IFITM10: variants seen among roughly 807,000 people sequenced by gnomAD.
IFITM10 encodes interferon induced transmembrane protein 10.
A neutral mutation model predicts 19.0 loss-of-function variants in IFITM10; 17 were observed. The ratio of observed to expected loss-of-function variants is 0.90; its 90% CI spans 0.61 to 1.34. IFITM10 has a LOEUF of 1.34. Among genes scored for constraint, IFITM10 ranks in the 40% most tolerant of loss-of-function variants. The pLI is 0.00. For synonymous variants in IFITM10, 148 were observed against 147.2 expected (o/e 1.01, Z -0.04); for missense variants, 306 against 319.8 (o/e 0.96, Z 0.33).
chr11:1,748,475 A>C (rs1565015760), intron 1 of IFITM10: 4 of 232,210 alleles, frequency 1.7e-5, no homozygotes, highest in East Asian at 1.6e-4. Context: ...AACCCCGCAC[A>C]CACGGGGCGC....
At chr11:1,736,121 T>C (rs1851084284) in intron 2 of IFITM10, among the ~76,000 whole-genome samples, 1 of 152,152 alleles carries the variant, frequency 6.6e-6, no homozygotes, top group South Asian at 2.1e-4. Context: ...CACAAATATG[T>C]GCGTGTTTGC....
rs1246407864 is a variant in IFITM10 at position 1,747,655 on chromosome 11, G to A, written c.537+12C>T. 4.5e-6 allele frequency: 7 copies of A among 1,551,014 alleles called. No homozygotes were observed. In the Admixed American group the frequency reaches 5.9e-5, roughly 13 times the overall value. On this transcript the variant is annotated intron_variant, in intron 2 of 2. Transcript: ENST00000340134. Reference sequence around the variant, plus strand: ...TAGCCCGCCCTTGCCCCCTGCCACCGCCCGGGCTCACTTTGAGGGAGTAGG... The same window carrying A: ...TAGCCCGCCCTTGCCCCCTGCCACCACCCGGGCTCACTTTGAGGGAGTAGG...
chr11:1,739,508 T>C (rs11601240), intron 2 of IFITM10, among the ~76,000 whole-genome samples: 4,596 of 152,234 alleles, frequency 0.03, 113 homozygotes, highest in Non-Finnish European at 0.045. Flanking sequence ...GCAGCTTACA[T>C]TGTAGGGAGA....
rs920104122 is a variant in IFITM10 at position 1,734,971 on chromosome 11, G to A, written c.*309C>T. 5.1e-6 allele frequency: 2 copies of A among 394,968 alleles called. No individual in the cohort carries two copies. The highest frequency in any genetic ancestry group is 9.1e-6 in the Non-Finnish European group (2 of 219,436). The allele number at this position is 394,968 out of a possible 1,614,324, so 24.5% of individuals were successfully genotyped here. ...GGTCCAAGGGGCCCCAGGAGCCTGGGAAGGGGCACGTGAGGGCAGGGACAC... is the reference window on the plus strand; with the variant it reads ...GGTCCAAGGGGCCCCAGGAGCCTGGAAAGGGGCACGTGAGGGCAGGGACAC... On this transcript the variant is annotated 3_prime_UTR_variant, in exon 3 of 3. Coordinates refer to ENST00000340134, the MANE Select transcript of IFITM10 (RefSeq NM_001170820.4).
chr11:1,747,031 T>C (rs1019692611), intron 2 of IFITM10, among the ~76,000 whole-genome samples: 3 of 151,968 alleles, frequency 2.0e-5, no homozygotes, highest in Admixed American at 6.5e-5. Flanking sequence ...GGGGACAGGG[T>C]CATGTCTGCC....
intron 1 of IFITM10, chr11:1,749,254 G>A: frequency 8.1e-6 from 2 of 245,452 alleles, no homozygotes; most frequent in Non-Finnish European, 1.3e-5. Flanking sequence ...GGCGGCAGCG[G>A]GCACAGCCAC....
In IFITM10 at chr11:1,740,611, G is replaced by T. The variant is rs1340850064; in HGVS notation, c.538-5182C>A. Among the ~76,000 whole-genome samples the T allele has an allele frequency of 2.0e-5, 3 of 152,182 alleles. No homozygotes were observed. The East Asian group carries it at 5.8e-4, about 29-fold the overall frequency. ...AGCAGTTCAATTTCTGACATGTCAAGGTAGGAATGCCCTTTAGATATATAG... is the reference window on the plus strand; with the variant it reads ...AGCAGTTCAATTTCTGACATGTCAATGTAGGAATGCCCTTTAGATATATAG... On this transcript the variant is annotated intron_variant, in intron 2 of 2. Coordinates refer to ENST00000340134, the MANE Select transcript of IFITM10 (RefSeq NM_001170820.4).
chr11:1,743,208 T>C (rs1845592070), intron 2 of IFITM10, among the ~76,000 whole-genome samples: 1 of 148,128 alleles, frequency 6.8e-6, no homozygotes, highest in South Asian at 2.2e-4. Context: ...GATGGATGGA[T>C]GGACAGATGA....
At chr11:1,738,307 G>A (rs1851108242) in intron 2 of IFITM10, among the ~76,000 whole-genome samples, 2 of 152,190 alleles carry the variant, frequency 1.3e-5, no homozygotes, top group Admixed American at 6.5e-5. Context: ...AGTTTCATAC[G>A]CATTTTCGTA....
chr11:1,735,456 G>A, intron 2 of IFITM10, 27 bp from the exon 3 acceptor site: 1 of 1,547,648 alleles, frequency 6.5e-7, no homozygotes. Context: ...GACAGGAAAT[G>A]GGCAGTCAGC....
rs374226444 is a variant in IFITM10 at position 1,747,842 on chromosome 11, G to A, written c.362C>T (p.Ala121Val). The A allele has an allele frequency of 1.7e-4, 255 of 1,545,436 alleles. No individual in the cohort carries two copies. In the African/African-American group the frequency reaches 2.9e-3, roughly 17 times the overall value. ...SKTDSVRAAGAPPACKHLAEK... is the reference protein window; with the variant it reads ...SKTDSVRAAGVPPACKHLAEK... ...GGCTAGGTGCTTGCAGGCAGGGGGC[G>A]CGCCGGCAGCCCGCACGCTGTCGGT... Residue 121 changes from alanine (A) to valine (V), a missense_variant, in exon 2 of 3, where the codon GCG becomes GTG. Ala to Val is a moderately conservative substitution (Grantham distance 64). Transcript: ENST00000340134.
chr11:1,735,639 G>A (rs569544525), intron 2 of IFITM10, among the ~76,000 whole-genome samples: 4 of 152,326 alleles, frequency 2.6e-5, no homozygotes, highest in African/African-American at 9.6e-5. Context: ...GGGGCGTCAT[G>A]TCTGAAACCT....
intron 2 of IFITM10, among the ~76,000 whole-genome samples, chr11:1,739,385 G>A (rs1851121429): frequency 6.6e-6 from 1 of 152,176 alleles, no homozygotes; most frequent in African/African-American, 2.4e-5. Context: ...TGGGTAGACA[G>A]ATTCCTTAAT....
At chr11:1,739,663 G>A (rs1209495048) in intron 2 of IFITM10, among the ~76,000 whole-genome samples, 3 of 152,164 alleles carry the variant, frequency 2.0e-5, no homozygotes, top group African/African-American at 7.2e-5. Context: ...GGAACAGAGA[G>A]TGCTGTAGGA....
At chr11:1,738,894 A>T (rs567530216) in intron 2 of IFITM10, among the ~76,000 whole-genome samples, 124 of 152,014 alleles carry the variant, frequency 8.2e-4, no homozygotes, top group Non-Finnish European at 1.6e-3. Context: ...CCCCGTCTCT[A>T]CTAAAAATAC....
intron 2 of IFITM10, among the ~76,000 whole-genome samples, chr11:1,743,301 A>C (rs1845593140): frequency 6.7e-6 from 1 of 149,220 alleles, no homozygotes; most frequent in South Asian, 2.2e-4. Context: ...GGATGGATGG[A>C]TGGACAGATG....
chr11:1,747,232 T>A (rs1845661323), intron 2 of IFITM10, among the ~76,000 whole-genome samples: 1 of 152,086 alleles, frequency 6.6e-6, no homozygotes, highest in African/African-American at 2.4e-5. Flanking sequence ...GTGGCCCCTC[T>A]TCCTTTCCAT....
chr11:1,743,075 A>G (rs957285655), intron 2 of IFITM10, among the ~76,000 whole-genome samples: 29 of 149,536 alleles, frequency 1.9e-4, no homozygotes, highest in Non-Finnish European at 3.1e-4. Flanking sequence ...GGATGGATGG[A>G]TGGATGGAGG....
At chr11:1,738,031 G>T (rs572399604) in intron 2 of IFITM10, among the ~76,000 whole-genome samples, 1 of 152,196 alleles carries the variant, frequency 6.6e-6, no homozygotes, top group South Asian at 2.1e-4. Context: ...AGAAGATAGG[G>T]AAGAGGAGGG....
Sources: gnomAD v4.1 joint callset for allele counts (sites outside exome capture counted in the v4.1 genomes callset) on GRCh38, gnomAD v4.1.1 for gene constraint, MANE v1.5 for transcripts, NCBI Gene and HGNC (gene_info 2026-07-23, HGNC 2026-07-21) for gene names.